GRIA4: variants seen among roughly 807,000 people sequenced by gnomAD.
GRIA4 encodes the protein glutamate ionotropic receptor AMPA type subunit 4.
GRIA4 carries 34 observed loss-of-function variants against 104.0 expected under a neutral mutation model. The ratio of observed to expected loss-of-function variants is 0.33; its 90% CI spans 0.25 to 0.44. The LOEUF is 0.44. Ranked by LOEUF, GRIA4 falls within the 20% of genes least tolerant of loss-of-function variation. GRIA4 has a pLI of 1.00. For missense variants in GRIA4, 750 were observed against 1,096.5 expected, an observed-to-expected ratio of 0.68 and a Z score of 4.46; for synonymous variants, 386 against 381.9, an observed-to-expected ratio of 1.01 and a Z score of -0.13.
At chr11:105,797,694 T>C in intron 4 of GRIA4, 1 of 356,752 alleles carries the variant, frequency 2.8e-6, no homozygotes, top group Non-Finnish European at 5.7e-6. Context: ...TATAATGAGT[T>C]TCTTTGTGTC....
chr11:105,946,180 C>G (rs1021764564), intron 14 of GRIA4, among the ~76,000 whole-genome samples: 1 of 152,164 alleles, frequency 6.6e-6, no homozygotes, highest in Non-Finnish European at 1.5e-5. Flanking sequence ...TCACTATAAC[C>G]TCTCACTTTT....
chr11:105,975,353 TA>T lies in GRIA4; in HGVS notation c.2544+910del, dbSNP rs200865137. 5.4e-3 allele frequency among the ~76,000 whole-genome samples: 750 copies of T among 138,568 alleles called. 5 individuals carry two copies. The highest frequency in any genetic ancestry group is 0.018 in the African/African-American group (690 of 38,072). The allele number at this position is 138,568 out of a possible 152,430, so 90.9% of individuals were successfully genotyped here. On this transcript the variant is annotated intron_variant, in intron 16 of 16. Coordinates refer to ENST00000282499, the MANE Select transcript of GRIA4 (RefSeq NM_000829.4). Reference sequence around the variant, plus strand: ...AAAATTGCAGTGAGTCATTACAAACTATTTTTTTTTTCATTTCCATTGCTTT... The same window carrying T: ...AAAATTGCAGTGAGTCATTACAAACTTTTTTTTTTTCATTTCCATTGCTTT...
intron 14 of GRIA4, among the ~76,000 whole-genome samples, chr11:105,963,767 CT>C (rs1360180456): frequency 6.6e-6 from 1 of 152,040 alleles, no homozygotes; most frequent in East Asian, 1.9e-4. Flanking sequence ...CAACGTAAAG[CT>C]TTTTTTCCTT....
intron 3 of GRIA4, among the ~76,000 whole-genome samples, chr11:105,618,079 T>A (rs1379729868): frequency 6.6e-6 from 1 of 151,818 alleles, no homozygotes; most frequent in Admixed American, 6.6e-5. Context: ...AGACACCAAG[T>A]TGTGGGACAG....
At chr11:105,641,050 G>T (rs193183667) in intron 3 of GRIA4, among the ~76,000 whole-genome samples, 9 of 151,840 alleles carry the variant, frequency 5.9e-5, no homozygotes, top group African/African-American at 2.2e-4. Flanking sequence ...TTGCTCTATA[G>T]CTATTAATGA....
chr11:105,744,429 T>C (rs2135666522), intron 3 of GRIA4, among the ~76,000 whole-genome samples: 1 of 152,252 alleles, frequency 6.6e-6, no homozygotes, highest in African/African-American at 2.4e-5. Flanking sequence ...ACAGTTATAT[T>C]CATATCGAAA....
chr11:105,861,435 A>C (rs968838180), intron 4 of GRIA4, among the ~76,000 whole-genome samples: 1 of 152,152 alleles, frequency 6.6e-6, no homozygotes, highest in Non-Finnish European at 1.5e-5. Context: ...GTGGTTATTC[A>C]ACTGATCCCC....
chr11:105,822,562 C>T (rs753010090), intron 4 of GRIA4, among the ~76,000 whole-genome samples: 6 of 152,068 alleles, frequency 3.9e-5, no homozygotes, highest in Non-Finnish European at 7.4e-5. Context: ...GATTTTTCAA[C>T]CCAAATTTTC....
At chr11:105,758,314 C>A (rs1473740941) in intron 4 of GRIA4, among the ~76,000 whole-genome samples, 2 of 151,958 alleles carry the variant, frequency 1.3e-5, no homozygotes, top group East Asian at 3.9e-4. Context: ...AGTTAGTCAA[C>A]CACGTTCAAG....
intron 3 of GRIA4, among the ~76,000 whole-genome samples, chr11:105,671,016 T>G (rs1445617): frequency 0.47 from 71,054 of 151,848 alleles, 17,138 homozygotes; most frequent in Admixed American, 0.58. Flanking sequence ...ACATTGCATC[T>G]CTCTCTGCCC....
At chr11:105,832,290 A>G (rs1195606456) in intron 4 of GRIA4, among the ~76,000 whole-genome samples, 1 of 151,872 alleles carries the variant, frequency 6.6e-6, no homozygotes, top group Non-Finnish European at 1.5e-5. Context: ...TGCTTAACAC[A>G]GGGTGATTAA....
chr11:105,845,575 A>T (rs1316027741), intron 4 of GRIA4, among the ~76,000 whole-genome samples: 1 of 152,112 alleles, frequency 6.6e-6, no homozygotes, highest in African/African-American at 2.4e-5. Context: ...CATCTGAAAA[A>T]AGTATGGATA....
At chr11:105,841,173 A>T (rs181485580) in intron 4 of GRIA4, among the ~76,000 whole-genome samples, 1 of 152,128 alleles carries the variant, frequency 6.6e-6, no homozygotes, top group African/African-American at 2.4e-5. Context: ...TCACTGAAAA[A>T]GTCACATAAG....
intron 4 of GRIA4, among the ~76,000 whole-genome samples, chr11:105,754,281 A>C (rs1330364506): frequency 6.6e-6 from 1 of 152,174 alleles, no homozygotes; most frequent in Non-Finnish European, 1.5e-5. Flanking sequence ...TATCATAATA[A>C]CTACTTTTTA....
intron 3 of GRIA4, among the ~76,000 whole-genome samples, chr11:105,713,350 C>T (rs1953981924): frequency 6.6e-6 from 1 of 151,738 alleles, no homozygotes; most frequent in African/African-American, 2.4e-5. Flanking sequence ...CCACTGCACC[C>T]CAGCCAGGAA....
intron 4 of GRIA4, among the ~76,000 whole-genome samples, chr11:105,835,911 A>G (rs1026424221): frequency 6.6e-6 from 1 of 152,088 alleles, no homozygotes; most frequent in Non-Finnish European, 1.5e-5. Context: ...AGAAAAAGAA[A>G]GAAAAAAAGT....
chr11:105,792,157 C>T (rs1362811343), intron 4 of GRIA4, among the ~76,000 whole-genome samples: 1 of 152,126 alleles, frequency 6.6e-6, no homozygotes, highest in Non-Finnish European at 1.5e-5. Flanking sequence ...TAATACTGAA[C>T]TTCATAATGA....
chr11:105,770,645 C>A (rs1342830301), intron 4 of GRIA4, among the ~76,000 whole-genome samples: 1 of 152,012 alleles, frequency 6.6e-6, no homozygotes, highest in Non-Finnish European at 1.5e-5. Context: ...CACTTTGTTC[C>A]ATTACACTGA....
At chr11:105,949,907 A>G (rs1344540693) in intron 14 of GRIA4, among the ~76,000 whole-genome samples, 3 of 152,128 alleles carry the variant, frequency 2.0e-5, no homozygotes, top group Non-Finnish European at 4.4e-5. Flanking sequence ...TTCCTATTTC[A>G]CTTTTGCCAT....
Sources: gnomAD v4.1 joint callset for allele counts (sites outside exome capture counted in the v4.1 genomes callset) on GRCh38, gnomAD v4.1.1 for gene constraint, MANE v1.5 for transcripts, NCBI Gene and HGNC (gene_info 2026-07-23, HGNC 2026-07-21) for gene names.